The following LRRC9 variants were observed in gnomAD, a reference collection of about 807,000 sequenced individuals.
LRRC9 encodes leucine rich repeat containing 9, also known as leucine-rich repeat-containing protein 9.
A neutral mutation model predicts 63.2 loss-of-function variants in LRRC9; 122 were observed. The ratio of observed to expected loss-of-function variants is 1.93; its 90% CI spans 1.67 to 2.24. LRRC9 has a LOEUF of 2.24. LRRC9 is among the 30% of genes most tolerant of loss of function. The pLI, the probability that LRRC9 is intolerant of heterozygous loss-of-function variation, is 0.00. For missense variants in LRRC9, 1,071 were observed against 627.7 expected, an observed-to-expected ratio of 1.71 and a Z score of -7.55; for synonymous variants, 366 against 213.1, an observed-to-expected ratio of 1.72 and a Z score of -6.25.
chr14:59,943,780 A>C (rs375300509), intron 7 of LRRC9, among the ~76,000 whole-genome samples: 1 of 152,074 alleles, frequency 6.6e-6, no homozygotes, highest in East Asian at 1.9e-4. Flanking sequence ...GATCTTGATT[A>C]TCCACTCCAT....
chr14:60,003,966 A>G lies in LRRC9; in HGVS notation c.2842+168A>G, dbSNP rs531862891. Among the ~76,000 whole-genome samples, 1 of 152,278 alleles carries G rather than the reference A, an allele frequency of 6.6e-6. No homozygotes were observed. Among genetic ancestry groups the G allele is most frequent in the East Asian group, 1.9e-4 (1 of 5,186 alleles). On this transcript the variant is annotated intron_variant, in intron 21 of 31. Transcript: ENST00000445360. This position sits in a 1 kb window ranked among gnomAD's most constrained non-coding sequence, Gnocchi z 4.2. ...GTGTGAGGTAATGCAATTATTAGTT[A>G]GCTAGATTGGACCATTCTACAATGT...
At chr14:59,952,563 AG>A (rs1277021014) in intron 8 of LRRC9, among the ~76,000 whole-genome samples, 13 of 152,312 alleles carry the variant, frequency 8.5e-5, no homozygotes, top group Admixed American at 2.6e-4. Context: ...ATTATAGAGG[AG>A]TACAGATAAC....
downstream of LRRC9, among the ~76,000 whole-genome samples, chr14:60,065,015 G>A (rs908225983): frequency 2.6e-5 from 4 of 152,106 alleles, no homozygotes; most frequent in Non-Finnish European, 5.9e-5. Context: ...TAATACATTT[G>A]AGATCTTCAT....
chr14:59,941,185 AC>A (rs1428526048), intron 7 of LRRC9, among the ~76,000 whole-genome samples: 1 of 151,974 alleles, frequency 6.6e-6, no homozygotes, highest in Non-Finnish European at 1.5e-5. Flanking sequence ...AGATATAGGT[AC>A]ATACTTAATA....
chr14:59,968,017 C>T (rs1217388863), intron 12 of LRRC9, among the ~76,000 whole-genome samples: 2 of 152,036 alleles, frequency 1.3e-5, no homozygotes, highest in African/African-American at 4.8e-5. Context: ...AAACTAGAAA[C>T]AATGCAAATA....
intron 15 of LRRC9, among the ~76,000 whole-genome samples, chr14:59,980,182 T>G (rs1886777875): frequency 6.6e-6 from 1 of 152,272 alleles, no homozygotes; most frequent in Middle Eastern, 3.4e-3. Flanking sequence ...ATCTAGAAAT[T>G]GTTTTATGGT....
chr14:60,007,074 A>C (rs991863052), intron 22 of LRRC9, among the ~76,000 whole-genome samples: 1 of 152,172 alleles, frequency 6.6e-6, no homozygotes, highest in African/African-American at 2.4e-5. Flanking sequence ...ACAGGAATTT[A>C]CTTCAAATGT....
intron 13 of LRRC9, among the ~76,000 whole-genome samples, chr14:59,975,155 A>C (rs1355183168): frequency 3.6e-5 from 1 of 27,618 alleles, no homozygotes; most frequent in Admixed American, 5.3e-4. Flanking sequence ...ATATATGTAT[A>C]TATATATATG....
chr14:59,959,762 T>C, intron 8 of LRRC9, 56 bp from the exon 9 acceptor site: 1 of 507,652 alleles, frequency 2.0e-6, no homozygotes, highest in East Asian at 3.1e-5. Context: ...GAATTCCGAC[T>C]TTGCCTAGAC....
Position 59,927,147 on chromosome 14 carries a change from A to G in LRRC9, c.-33-764A>G, listed in dbSNP as rs1036259298. Among the ~76,000 whole-genome samples, 14 of 152,114 alleles carry G rather than the reference A, an allele frequency of 9.2e-5. No homozygotes were observed. The highest frequency in any genetic ancestry group is 1.9e-4 in the Non-Finnish European group (13 of 67,960). On this transcript the variant is annotated intron_variant, in intron 1 of 31. Transcript: ENST00000445360. This position sits in a 1 kb window ranked among gnomAD's most constrained non-coding sequence, Gnocchi z 4.4. ...TAATTATACATATACATGCATTTAC[A>G]TATATACACATGTATACACACATGC...
At chr14:59,963,968 A>C (rs939677181) in intron 10 of LRRC9, among the ~76,000 whole-genome samples, 1 of 152,232 alleles carries the variant, frequency 6.6e-6, no homozygotes, top group African/African-American at 2.4e-5. Context: ...TATTAACAAA[A>C]TGTGTAGGCA....
chr14:60,037,687 T>C (rs1470683141), intron 29 of LRRC9, among the ~76,000 whole-genome samples: 2 of 152,186 alleles, frequency 1.3e-5, no homozygotes, highest in African/African-American at 4.8e-5. Context: ...GATAGGTAGA[T>C]TGTAAAAATT....
At chr14:59,968,894 A>C (rs1326387377) in intron 12 of LRRC9, among the ~76,000 whole-genome samples, 2 of 152,184 alleles carry the variant, frequency 1.3e-5, no homozygotes, top group East Asian at 1.9e-4. Flanking sequence ...GTAACTATTA[A>C]GCATTTGAAA....
rs750522428 is a variant in LRRC9 at position 59,966,587 on chromosome 14, A to T, written c.1212-2A>T. On this transcript the variant is annotated splice_acceptor_variant, in intron 10 of 31. Transcript: ENST00000445360. LOFTEE classifies it high-confidence loss of function. The surrounding 1 kb of genome is among the most constrained non-coding windows in gnomAD (Gnocchi z 4.0). ...GTATATTCTGTATGTATTCCCACAT[A>T]GGTTTAATTTCTGCTATGAATTAAT... 284 of 654,386 alleles carry T rather than the reference A, an allele frequency of 4.3e-4. 1 individual carries two copies. The highest frequency in any genetic ancestry group is 3.7e-4 in the South Asian group (22 of 59,464). The allele number at this position is 654,386 out of a possible 1,614,324, so 40.5% of individuals were successfully genotyped here. A position where few individuals can be genotyped will look rare whatever the true frequency, so the allele number is the denominator to read the frequency against.
chr14:59,939,223 A>G (rs1486336577), intron 7 of LRRC9, among the ~76,000 whole-genome samples: 1 of 151,882 alleles, frequency 6.6e-6, no homozygotes, highest in African/African-American at 2.4e-5. Context: ...TAGTCTACCA[A>G]GGATTAGGTA....
At chr14:60,061,558 A>C (rs1273331796) in intron 31 of LRRC9, among the ~76,000 whole-genome samples, 1 of 152,196 alleles carries the variant, frequency 6.6e-6, no homozygotes, top group African/African-American at 2.4e-5. Flanking sequence ...GAAACCAAAA[A>C]ATGTGTGTGA....
At position 59,941,217 on chromosome 14, in the gene LRRC9, A is replaced by G. The variant is rs1201678165; in HGVS notation, c.726+2645A>G. 3.9e-5 allele frequency among the ~76,000 whole-genome samples: 6 copies of G among 152,130 alleles called. No individual in the cohort carries two copies. The East Asian group carries it at 1.2e-3, about 29-fold the overall frequency. ...TAATAAATTAGAAAAAGTTGAAACT[A>G]TGGTAAGATATAGTAGACACTAAAA... On this transcript the variant is annotated intron_variant, in intron 7 of 31. Transcript: ENST00000445360.
chr14:59,926,555 A>T (rs1413941146), intron 1 of LRRC9, among the ~76,000 whole-genome samples: 1 of 152,124 alleles, frequency 6.6e-6, no homozygotes, highest in East Asian at 1.9e-4. Context: ...CATAACCAGC[A>T]CCTAGATCAA....
chr14:59,932,239 C>T lies in LRRC9; in HGVS notation c.543+200C>T, dbSNP rs1309241992. Among the ~76,000 whole-genome samples the T allele has an allele frequency of 6.6e-6, 1 of 152,010 alleles. No individual in the cohort carries two copies. The highest frequency in any genetic ancestry group is 2.4e-5 in the African/African-American group (1 of 41,404). ...TAAAACCAAACAAATAACTATTTACCTGGCTCTTAGGATACCATTTTCTCT... is the reference window on the plus strand; with the variant it reads ...TAAAACCAAACAAATAACTATTTACTTGGCTCTTAGGATACCATTTTCTCT... On this transcript the variant is annotated intron_variant, in intron 6 of 31. Transcript: ENST00000445360. This position sits in a 1 kb window ranked among gnomAD's most constrained non-coding sequence, Gnocchi z 4.7.
Sources: allele counts gnomAD v4.1 joint callset (sites outside exome capture counted in the v4.1 genomes callset), GRCh38; gene constraint gnomAD v4.1.1; non-coding constraint Gnocchi (gnomAD v3.1); transcripts MANE v1.5; gene names NCBI Gene and HGNC (gene_info 2026-07-23, HGNC 2026-07-21).